PRH1: variants seen among roughly 807,000 people sequenced by gnomAD.
PRH1 encodes the protein proline rich protein HaeIII subfamily 1, also known as salivary acidic proline-rich phosphoprotein 1/2.
PRH1 carries 7 observed loss-of-function variants against 7.9 expected under a neutral mutation model. The observed-to-expected ratio is 0.89, with a 90% CI of 0.50 to 1.67. The LOEUF (loss-of-function observed/expected upper bound fraction) is 1.67. PRH1 is among the 40% of genes most tolerant of loss of function. PRH1 has a pLI of 0.00. For missense variants in PRH1, 109 were observed against 223.6 expected, an observed-to-expected ratio of 0.49 and a Z score of 3.27; for synonymous variants, 45 against 80.8, an observed-to-expected ratio of 0.56 and a Z score of 2.38.
At chr12:11,088,518 T>C (rs1317877778) in intron 1 of PRH1, among the ~76,000 whole-genome samples, 1 of 107,506 alleles carries the variant, frequency 9.3e-6, no homozygotes, top group Non-Finnish European at 2.2e-5. Flanking sequence ...AAGCATTCAG[T>C]GTCCCTAGAC....
At chr12:10,934,813 T>C (rs1446692161) in intron 2 of PRH1, among the ~76,000 whole-genome samples, 1 of 152,160 alleles carries the variant, frequency 6.6e-6, no homozygotes, top group African/African-American at 2.4e-5. Flanking sequence ...TGAATTCTCA[T>C]TGTTAATAAA....
intron 1 of PRH1, among the ~76,000 whole-genome samples, chr12:10,994,679 A>C (rs1050167130): frequency 2.0e-5 from 3 of 152,110 alleles, no homozygotes; most frequent in African/African-American, 7.2e-5. Flanking sequence ...TCAGTGTTAT[A>C]ATTATTATTC....
chr12:11,144,218 G>A (rs1284609122), intron 1 of PRH1, among the ~76,000 whole-genome samples: 5 of 148,540 alleles, frequency 3.4e-5, no homozygotes, highest in Non-Finnish European at 7.5e-5. Context: ...GTGGGGGCAG[G>A]GCTAGGCATG....
intron 2 of PRH1, among the ~76,000 whole-genome samples, chr12:10,899,553 A>G (rs1205816530): frequency 6.6e-6 from 1 of 152,150 alleles, no homozygotes; most frequent in African/African-American, 2.4e-5. Context: ...ATGAGAGTGA[A>G]TTGTTATAAA....
intron 2 of PRH1, chr12:10,964,563 G>C (rs1938409928): frequency 6.3e-6 from 2 of 319,840 alleles, no homozygotes; most frequent in South Asian, 5.0e-5. Context: ...GTTTGGCTGA[G>C]CATGAGGACA....
At chr12:10,903,198 G>T (rs1336386407) in intron 2 of PRH1, among the ~76,000 whole-genome samples, 2 of 151,890 alleles carry the variant, frequency 1.3e-5, no homozygotes, top group African/African-American at 2.4e-5. Flanking sequence ...AAAAAAGAAA[G>T]AATCACTATT....
intron 1 of PRH1, chr12:10,985,891 T>C: frequency 6.9e-7 from 1 of 1,452,348 alleles, no homozygotes; most frequent in Non-Finnish European, 9.3e-7. Flanking sequence ...TATCAGTTTG[T>C]TTTCTCCTAG....
chr12:11,058,878 G>A (rs990805733), intron 1 of PRH1, among the ~76,000 whole-genome samples: 2 of 152,116 alleles, frequency 1.3e-5, no homozygotes, highest in African/African-American at 4.8e-5. Context: ...ACATCTGAGC[G>A]GCACAAAGAG....
chr12:10,981,663 C>A (rs911627261), intron 1 of PRH1, among the ~76,000 whole-genome samples: 1 of 151,952 alleles, frequency 6.6e-6, no homozygotes, highest in Non-Finnish European at 1.5e-5. Flanking sequence ...CATGAGCCAC[C>A]GCACCAGGCC....
chr12:10,947,073 G>A (rs116054434), intron 2 of PRH1, among the ~76,000 whole-genome samples: 3,008 of 152,226 alleles, frequency 0.02, 35 homozygotes, highest in South Asian at 0.031. Flanking sequence ...TAGAGTATGT[G>A]CCATGTGGCT....
chr12:10,921,411 C>G (rs1483533012), intron 2 of PRH1, among the ~76,000 whole-genome samples: 3 of 151,964 alleles, frequency 2.0e-5, no homozygotes, highest in African/African-American at 7.2e-5. Context: ...TTTTTAAAAA[C>G]TTGGCAATTT....
intron 2 of PRH1, among the ~76,000 whole-genome samples, chr12:10,943,436 T>C (rs1950435350): frequency 6.6e-6 from 1 of 152,180 alleles, no homozygotes; most frequent in Non-Finnish European, 1.5e-5. Flanking sequence ...GTTTTTCTCT[T>C]GTAAATTCAA....
At chr12:11,167,314 T>C (rs1947609841) in intron 1 of PRH1, among the ~76,000 whole-genome samples, 1 of 152,194 alleles carries the variant, frequency 6.6e-6, no homozygotes, top group South Asian at 2.1e-4. Context: ...CACATTAAAC[T>C]ACACTCAACC....
intron 1 of PRH1, among the ~76,000 whole-genome samples, chr12:11,006,990 G>A (rs76792260): frequency 6.6e-6 from 1 of 150,876 alleles, no homozygotes; most frequent in Admixed American, 6.6e-5. Context: ...GTTTTGCAAT[G>A]TTTTTCCTTG....
intron 1 of PRH1, among the ~76,000 whole-genome samples, chr12:11,140,260 A>C (rs1203163249): frequency 6.6e-6 from 1 of 152,062 alleles, no homozygotes; most frequent in Non-Finnish European, 1.5e-5. Flanking sequence ...TTGTTTAACA[A>C]CTCCTAAAAG....
chr12:11,126,509 T>G (rs977343008), intron 1 of PRH1, among the ~76,000 whole-genome samples: 1 of 152,262 alleles, frequency 6.6e-6, no homozygotes, highest in Non-Finnish European at 1.5e-5. Context: ...AATAATTTAT[T>G]TATCCATTTT....
chr12:10,979,710 T>C (rs934053228), intron 1 of PRH1, among the ~76,000 whole-genome samples: 3 of 152,172 alleles, frequency 2.0e-5, no homozygotes, highest in African/African-American at 7.2e-5. Context: ...TTGATAGCAA[T>C]TATCTTGGCA....
chr12:11,073,297 ATT>A (rs550930561), intron 1 of PRH1, among the ~76,000 whole-genome samples: 3 of 45,446 alleles, frequency 6.6e-5, no homozygotes, highest in Admixed American at 2.5e-4. Flanking sequence ...ATGCCTGGCA[ATT>A]TTTTTTTTTT....
In PRH1 at chr12:11,042,623, C is replaced by CTTTTTTTTTTTTTT. The variant is rs71051557; in HGVS notation, c.-126+4383_-126+4396dup. Among the ~76,000 whole-genome samples the CTTTTTTTTTTTTTT allele has an allele frequency of 2.0e-3, 156 of 79,312 alleles. 19 individuals carry two copies. The highest frequency in any genetic ancestry group is 7.4e-3 in the African/African-American group (140 of 18,908). 52.0% of individuals were successfully genotyped at this position (79,312 alleles called of 152,430 possible). On this transcript the variant is annotated intron_variant, in intron 1 of 3. Coordinates refer to the PRH1 transcript ENST00000539853. ...AAGAGGGACTACTTCCAGGCTCATTCTTTTTTTTTTTTTTTTTTTTTTTTG... is the reference window on the plus strand; with the variant it reads ...AAGAGGGACTACTTCCAGGCTCATTCTTTTTTTTTTTTTTTTTTTTTTTTTTTTTTTTTTTTTTG...
Sources: allele counts gnomAD v4.1 joint callset (sites outside exome capture counted in the v4.1 genomes callset), GRCh38; gene constraint gnomAD v4.1.1; transcripts MANE v1.5; gene names NCBI Gene and HGNC (gene_info 2026-07-23, HGNC 2026-07-21).